The following CCSER1 variants were observed in gnomAD, a reference collection of about 807,000 sequenced individuals.
CCSER1 encodes coiled-coil serine rich protein 1.
A neutral mutation model predicts 82.0 loss-of-function variants in CCSER1; 41 were observed. The ratio of observed to expected loss-of-function variants is 0.50; its 90% CI spans 0.39 to 0.65. CCSER1 has a LOEUF of 0.65. CCSER1 is among the 30% of genes least tolerant of loss of function. The probability of loss-of-function intolerance (pLI) is 0.00; values close to 1 mark genes in which losing one functional copy is unlikely to be tolerated. For missense variants in CCSER1, 1,119 were observed against 1,064.2 expected (o/e 1.05, Z -0.72); for synonymous variants, 414 against 383.9 (o/e 1.08, Z -0.92).
chr4:90,506,080 T>G (rs1328559980), intron 5 of CCSER1, among the ~76,000 whole-genome samples: 1 of 152,220 alleles, frequency 6.6e-6, no homozygotes. Context: ...TGTACCTTCC[T>G]CAGACCTAGC....
At chr4:90,182,697 T>C (rs1733937452) in intron 1 of CCSER1, among the ~76,000 whole-genome samples, 1 of 152,072 alleles carries the variant, frequency 6.6e-6, no homozygotes, top group African/African-American at 2.4e-5. Flanking sequence ...AAAGGAAAAT[T>C]TAAGGAAACA....
chr4:90,526,441 G>A (rs959084156), intron 5 of CCSER1, among the ~76,000 whole-genome samples: 5 of 151,822 alleles, frequency 3.3e-5, no homozygotes, highest in African/African-American at 1.2e-4. Flanking sequence ...GGATACATGT[G>A]CAGAACATGC....
At chr4:91,515,183 T>G (rs1315019268) in intron 10 of CCSER1, among the ~76,000 whole-genome samples, 1 of 152,150 alleles carries the variant, frequency 6.6e-6, no homozygotes, top group Non-Finnish European at 1.5e-5. Flanking sequence ...AGTTAACATA[T>G]AGTTGGATTT....
intron 10 of CCSER1, among the ~76,000 whole-genome samples, chr4:91,418,822 A>T (rs1753529639): frequency 6.6e-6 from 1 of 151,962 alleles, no homozygotes; most frequent in Admixed American, 6.6e-5. Flanking sequence ...TATCCCTGAT[A>T]AACGTATATG....
chr4:90,563,053 C>A (rs1354774161), intron 5 of CCSER1, among the ~76,000 whole-genome samples: 7 of 151,816 alleles, frequency 4.6e-5, no homozygotes, highest in Non-Finnish European at 1.0e-4. Flanking sequence ...TTATTCATAA[C>A]CCTTGGCATT....
intron 8 of CCSER1, among the ~76,000 whole-genome samples, chr4:90,851,352 G>A (rs770988497): frequency 6.6e-6 from 1 of 151,180 alleles, no homozygotes; most frequent in Non-Finnish European, 1.5e-5. Context: ...TGCCTTAATT[G>A]TGAACACAGA....
intron 4 of CCSER1, among the ~76,000 whole-genome samples, chr4:90,445,706 ATTG>A (rs1224737204): frequency 6.6e-6 from 1 of 152,080 alleles, no homozygotes; most frequent in East Asian, 1.9e-4. Flanking sequence ...GAAGTTTTAT[ATTG>A]TTGATGATGT....
chr4:91,171,241 G>C (rs1379902941), intron 10 of CCSER1, among the ~76,000 whole-genome samples: 3 of 152,080 alleles, frequency 2.0e-5, no homozygotes, highest in African/African-American at 7.2e-5. Flanking sequence ...TCCTCTGACA[G>C]GAAAATAGGG....
At chr4:90,670,820 C>G (rs1732658729) in intron 6 of CCSER1, among the ~76,000 whole-genome samples, 1 of 151,926 alleles carries the variant, frequency 6.6e-6, no homozygotes, top group Non-Finnish European at 1.5e-5. Flanking sequence ...ACATGCCCTC[C>G]TCCTTTATCC....
At position 90,400,366 on chromosome 4, in the gene CCSER1, A is replaced by G. The variant is rs79434243; in HGVS notation, c.1603+237A>G. Among the ~76,000 whole-genome samples, 1,431 of 152,312 alleles carry G rather than the reference A, an allele frequency of 9.4e-3. 15 individuals are homozygous for G. Among genetic ancestry groups the G allele is most frequent in the South Asian group, 0.03 (146 of 4,830 alleles). On this transcript the variant is annotated intron_variant, in intron 4 of 10. Transcript: ENST00000509176. ...AAGATAATTATAAATAAGAAAAACT[A>G]TAAAAAAATCTTTCCAAAATAGGAA... is the stretch of plus-strand genomic sequence containing the variant.
chr4:91,320,215 G>A (rs1001670968), intron 10 of CCSER1, among the ~76,000 whole-genome samples: 2 of 152,010 alleles, frequency 1.3e-5, no homozygotes, highest in African/African-American at 2.4e-5. Context: ...AAGGTTCTTG[G>A]CTCATAAGGA....
intron 10 of CCSER1, among the ~76,000 whole-genome samples, chr4:91,533,968 A>G (rs1031580115): frequency 2.0e-5 from 3 of 152,044 alleles, no homozygotes; most frequent in Admixed American, 2.0e-4. Context: ...GCAAATAGAT[A>G]TATGAATCAT....
chr4:91,375,669 T>C (rs1560622181), intron 10 of CCSER1, among the ~76,000 whole-genome samples: 5 of 152,142 alleles, frequency 3.3e-5, no homozygotes, highest in Non-Finnish European at 5.9e-5. Context: ...ACAACTTTAG[T>C]AAAAGAATCC....
chr4:91,109,245 C>A (rs1166594616), intron 10 of CCSER1, among the ~76,000 whole-genome samples: 1 of 152,134 alleles, frequency 6.6e-6, no homozygotes, highest in African/African-American at 2.4e-5. Flanking sequence ...TCTTCTCAAG[C>A]TCGATGATTT....
chr4:90,731,282 G>A (rs1164205964), intron 7 of CCSER1, among the ~76,000 whole-genome samples: 1 of 152,136 alleles, frequency 6.6e-6, no homozygotes, highest in Non-Finnish European at 1.5e-5. Context: ...CAAATAGATA[G>A]CATGATACGG....
chr4:90,268,006 T>C (rs1462034713), intron 1 of CCSER1, among the ~76,000 whole-genome samples: 1 of 152,038 alleles, frequency 6.6e-6, no homozygotes, highest in Admixed American at 6.6e-5. Context: ...ATATTTAAAG[T>C]GATGAAGGAA....
intron 4 of CCSER1, among the ~76,000 whole-genome samples, chr4:90,410,381 G>A (rs1754527819): frequency 6.6e-6 from 1 of 152,158 alleles, no homozygotes; most frequent in African/African-American, 2.4e-5. Context: ...ATAGTTGGAA[G>A]TAAAGCACTC....
chr4:91,546,013 A>AT (rs778246596), intron 10 of CCSER1, among the ~76,000 whole-genome samples: 6 of 152,088 alleles, frequency 3.9e-5, no homozygotes, highest in Non-Finnish European at 7.4e-5. Context: ...ATATTGTCAG[A>AT]TGTTTTTTCT....
intron 8 of CCSER1, among the ~76,000 whole-genome samples, chr4:90,886,876 C>A (rs1263217199): frequency 6.6e-6 from 1 of 152,118 alleles, no homozygotes; most frequent in Non-Finnish European, 1.5e-5. Flanking sequence ...CTCATGGGGT[C>A]AGAAATGTCT....
Sources: gnomAD v4.1 joint callset for allele counts (sites outside exome capture counted in the v4.1 genomes callset) on GRCh38, gnomAD v4.1.1 for gene constraint, MANE v1.5 for transcripts, NCBI Gene and HGNC (gene_info 2026-07-23, HGNC 2026-07-21) for gene names.